SF3B1: variants seen among roughly 807,000 people sequenced by gnomAD.
The protein encoded by SF3B1 is pre-mRNA processing 10.
A neutral mutation model predicts 153.8 loss-of-function variants in SF3B1; 12 were observed. The ratio of observed to expected loss-of-function variants is 0.08; its 90% CI spans 0.05 to 0.13. The LOEUF (loss-of-function observed/expected upper bound fraction) is 0.13. Ranked by LOEUF, SF3B1 falls within the 10% of genes least tolerant of loss-of-function variation. The pLI is 1.00. For synonymous variants in SF3B1, 498 were observed against 525.2 expected (o/e 0.95, Z 0.71); for missense variants, 513 against 1,606.1 (o/e 0.32, Z 11.63).
chr2:197,418,991 A>G (rs1380619835), intron 4 of SF3B1: 13 of 1,474,020 alleles, frequency 8.8e-6, no homozygotes, highest in Admixed American at 1.9e-5. Flanking sequence ...CACTTTGGAA[A>G]GATATTTATA....
chr2:197,403,567 C>CTT lies in SF3B1; in HGVS notation c.1719+17_1719+18insAA, dbSNP rs762028955. 2 of 1,505,880 alleles carry CTT rather than the reference C, an allele frequency of 1.3e-6. No homozygotes were observed. Among genetic ancestry groups the CTT allele is most frequent in the Non-Finnish European group, 8.9e-7 (1 of 1,125,830 alleles). 93.3% of individuals were successfully genotyped at this position (1,505,880 alleles called of 1,614,324 possible). On this transcript the variant is annotated intron_variant, in intron 12 of 24. Coordinates refer to ENST00000335508, the MANE Select transcript of SF3B1 (RefSeq NM_012433.4). ...TTAAAACTTTAAACTATCAGAAACA[C>CTT]TATTAAGGAGAACAAACCTTATGCA...
At chr2:197,406,018 T>C (rs2084987313) in intron 9 of SF3B1, among the ~76,000 whole-genome samples, 1 of 150,934 alleles carries the variant, frequency 6.6e-6, no homozygotes, top group Non-Finnish European at 1.5e-5. Context: ...ACACACCACC[T>C]GATCAAACCT....
At chr2:197,429,780 T>C (rs1291108092) in intron 1 of SF3B1, among the ~76,000 whole-genome samples, 1 of 143,308 alleles carries the variant, frequency 7.0e-6, no homozygotes. Context: ...CAAGACTCTG[T>C]CTCAAAAAAA....
rs182729446 is a variant in SF3B1, at chr2:197,417,203, T to C, written c.496-292A>G. On this transcript the variant is annotated intron_variant, in intron 5 of 24. Coordinates refer to ENST00000335508, the MANE Select transcript of SF3B1 (RefSeq NM_012433.4). ...TTCAGTCAACAATGGAGAACCATAA[T>C]GCTTCCACTGAAAAATAGGGTTTTC... Among the ~76,000 whole-genome samples, 10 of 152,272 alleles carry C rather than the reference T, an allele frequency of 6.6e-5. 1 individual carries two copies. The highest frequency in any genetic ancestry group is 1.9e-4 in the East Asian group (1 of 5,192).
chr2:197,413,878 C>G (rs879358107), intron 6 of SF3B1, among the ~76,000 whole-genome samples: 1 of 152,014 alleles, frequency 6.6e-6, no homozygotes, highest in Non-Finnish European at 1.5e-5. Context: ...ACGATCTCCT[C>G]TCACTGCAAC....
At chr2:197,393,357 T>C (rs2084835923) in intron 23 of SF3B1, 169 bp from the exon 24 acceptor site, 1 of 617,220 alleles carries the variant, frequency 1.6e-6, no homozygotes. Context: ...ATTTCATATA[T>C]CTAATATATC....
intron 23 of SF3B1, among the ~76,000 whole-genome samples, chr2:197,394,771 G>A (rs1328010402): frequency 6.6e-6 from 1 of 152,140 alleles, no homozygotes; most frequent in African/African-American, 2.4e-5. Flanking sequence ...CGGCCATGGT[G>A]GCACACGCCT....
At chr2:197,432,212 T>C (rs2085450850) in intron 1 of SF3B1, among the ~76,000 whole-genome samples, 1 of 152,184 alleles carries the variant, frequency 6.6e-6, no homozygotes, top group Non-Finnish European at 1.5e-5. Flanking sequence ...AGCAAAGAAT[T>C]AGGGAAAAAA....
intron 6 of SF3B1, among the ~76,000 whole-genome samples, chr2:197,414,244 T>C (rs2085113917): frequency 6.6e-6 from 1 of 152,178 alleles, no homozygotes; most frequent in African/African-American, 2.4e-5. Context: ...GCCAAATAAA[T>C]ACGTCAAGCT....
intron 5 of SF3B1, among the ~76,000 whole-genome samples, chr2:197,417,854 G>A (rs188045725): frequency 2.2e-4 from 34 of 152,148 alleles, no homozygotes; most frequent in African/African-American, 7.2e-4. Flanking sequence ...CATCCAAACC[G>A]AAACTTACAG....
At chr2:197,432,556 G>A (rs2085456436) in intron 1 of SF3B1, among the ~76,000 whole-genome samples, 1 of 152,206 alleles carries the variant, frequency 6.6e-6, no homozygotes, top group Admixed American at 6.5e-5. Context: ...AAGAGGATGT[G>A]AGGCCTGATC....
rs2105972074 is a variant in SF3B1, at chr2:197,390,481, A to G, written c.*1822T>C. 6.6e-6 allele frequency: 1 copy of G among 152,358 alleles called. No individual in the cohort carries two copies. The highest frequency in any genetic ancestry group is 2.4e-5 in the African/African-American group (1 of 41,588). The allele number at this position is 152,358 out of a possible 1,614,324, so 9.4% of individuals were successfully genotyped here. A position where few individuals can be genotyped will look rare whatever the true frequency, so the allele number is the denominator to read the frequency against. On this transcript the variant is annotated 3_prime_UTR_variant, in exon 25 of 25. Transcript: ENST00000335508. ...GCTGAAAACTTCTAACAACAGAAAG[A>G]TGAGTTTGGAGTGTTTAATTTTACT...
intron 5 of SF3B1, among the ~76,000 whole-genome samples, chr2:197,417,876 G>C (rs1439903717): frequency 6.6e-6 from 1 of 151,996 alleles, no homozygotes; most frequent in Admixed American, 6.6e-5. Flanking sequence ...ATCTCACACT[G>C]AACTCTGACT....
At chr2:197,434,835 G>C in intron 1 of SF3B1, 137 bp downstream of exon 1, 1 of 878,344 alleles carries the variant, frequency 1.1e-6, no homozygotes, top group Non-Finnish European at 1.8e-6. Context: ...CGCTGGCGCG[G>C]AGGAGACGAC....
At chr2:197,405,720 C>T (rs987214205) in intron 9 of SF3B1, among the ~76,000 whole-genome samples, 1 of 152,074 alleles carries the variant, frequency 6.6e-6, no homozygotes, top group Non-Finnish European at 1.5e-5. Context: ...ATACTAATCA[C>T]ATTCAAACAT....
intron 6 of SF3B1, among the ~76,000 whole-genome samples, chr2:197,414,245 A>T (rs1574540903): frequency 6.6e-6 from 1 of 152,254 alleles, no homozygotes; most frequent in South Asian, 2.1e-4. Flanking sequence ...CCAAATAAAT[A>T]CGTCAAGCTG....
intron 1 of SF3B1, among the ~76,000 whole-genome samples, chr2:197,425,443 G>A (rs1169782096): frequency 2.0e-5 from 3 of 151,952 alleles, no homozygotes; most frequent in African/African-American, 4.8e-5. Context: ...TCCAGCCTGG[G>A]CGACAAGAGC....
chr2:197,397,705 G>A (rs1378203143), intron 22 of SF3B1, among the ~76,000 whole-genome samples: 1 of 152,086 alleles, frequency 6.6e-6, no homozygotes, highest in East Asian at 1.9e-4. Flanking sequence ...GCTGAGGCAG[G>A]AGAATCGCCT....
chr2:197,405,201 T>G lies in SF3B1; in HGVS notation c.1438-24A>C, dbSNP rs374892569. 1.3e-5 allele frequency: 20 copies of G among 1,599,316 alleles called. No homozygotes were observed. The African/African-American group carries it at 2.7e-4, about 21-fold the overall frequency. On this transcript the variant is annotated intron_variant, in intron 10 of 24. Coordinates refer to ENST00000335508, the MANE Select transcript of SF3B1 (RefSeq NM_012433.4). ...ACCTATAGTAAAAAGAAAAAAATGT[T>G]AAGGGAAGTTGAAATGTTATGATTT...
Sources: allele counts gnomAD v4.1 joint callset (sites outside exome capture counted in the v4.1 genomes callset), GRCh38; gene constraint gnomAD v4.1.1; transcripts MANE v1.5; gene names NCBI Gene and HGNC (gene_info 2026-07-23, HGNC 2026-07-21).